The following NKIRAS1 variants were observed in gnomAD, a reference collection of about 807,000 sequenced individuals.
NKIRAS1 encodes NFKB inhibitor interacting Ras like 1.
NKIRAS1 carries 16 observed loss-of-function variants against 19.8 expected under a neutral mutation model. The ratio of observed to expected loss-of-function variants is 0.81; its 90% CI spans 0.55 to 1.23. The LOEUF (loss-of-function observed/expected upper bound fraction) is 1.23, where lower values mean the gene tolerates loss of function less well. Ranked by LOEUF, NKIRAS1 falls within the 50% of genes most tolerant of loss-of-function variation. The pLI, the probability that NKIRAS1 is intolerant of heterozygous loss-of-function variation, is 0.00. For missense variants in NKIRAS1, 184 were observed against 220.0 expected (o/e 0.84, Z 1.04); for synonymous variants, 88 against 79.0 (o/e 1.11, Z -0.61).
At position 23,910,806 on chromosome 3, in the gene NKIRAS1, C is replaced by A; in HGVS notation, c.94+5G>T. 1 of 1,606,776 alleles carries A rather than the reference C, an allele frequency of 6.2e-7. No individual in the cohort carries two copies. Among genetic ancestry groups the A allele is most frequent in the South Asian group, 1.1e-5 (1 of 90,914 alleles). On this transcript the variant is annotated splice_donor_5th_base_variant and intron_variant, in intron 3 of 4. Transcript: ENST00000425478. ...TAGAGACAAACTAGAGAAAAACAAT[C>A]TTACCAATAGTATGATTTCCATAAA...
chr3:23,894,877 T>C (rs1305268673), intron 4 of NKIRAS1, among the ~76,000 whole-genome samples: 1 of 152,184 alleles, frequency 6.6e-6, no homozygotes, highest in Non-Finnish European at 1.5e-5. Flanking sequence ...AGCTGACTCA[T>C]GGTCAACCTG....
chr3:23,907,304 T>C lies in NKIRAS1; in HGVS notation c.94+3507A>G, dbSNP rs182008485. On this transcript the variant is annotated intron_variant, in intron 3 of 4. Coordinates refer to ENST00000425478, the MANE Select transcript of NKIRAS1 (RefSeq NM_020345.4). ...ACATGGCAATTAACTGTTTATGTTA[T>C]CAGGTTTAAGGCTTCTGGTCAACAG... Among the ~76,000 whole-genome samples, 197 of 152,300 alleles carry C rather than the reference T, an allele frequency of 1.3e-3. 3 individuals carry two copies. The South Asian group carries it at 0.02, about 15-fold the overall frequency.
At chr3:23,914,743 C>T (rs1475270413) in intron 1 of NKIRAS1, among the ~76,000 whole-genome samples, 4 of 152,198 alleles carry the variant, frequency 2.6e-5, no homozygotes, top group Non-Finnish European at 4.4e-5. Flanking sequence ...AAACTGTTAA[C>T]TGAGAAACTA....
chr3:23,931,098 C>A (rs1475938566), intron 1 of NKIRAS1, among the ~76,000 whole-genome samples: 1 of 152,150 alleles, frequency 6.6e-6, no homozygotes, highest in African/African-American at 2.4e-5. Context: ...TATTCAGAAT[C>A]TTTATGTATG....
chr3:23,937,661 T>C (rs1253682611), intron 1 of NKIRAS1, among the ~76,000 whole-genome samples: 1 of 152,154 alleles, frequency 6.6e-6, no homozygotes, highest in East Asian at 1.9e-4. Context: ...TTTTTATTTG[T>C]TGAACTGTCA....
At chr3:23,911,618 C>G (rs1019613219) in intron 1 of NKIRAS1, among the ~76,000 whole-genome samples, 168 bp from the exon 2 acceptor site, 1 of 152,028 alleles carries the variant, frequency 6.6e-6, no homozygotes, top group African/African-American at 2.4e-5. Flanking sequence ...CAATATTTAC[C>G]TGGAAAAATA....
At chr3:23,925,408 C>G (rs566578022) in intron 1 of NKIRAS1, among the ~76,000 whole-genome samples, 1 of 152,024 alleles carries the variant, frequency 6.6e-6, no homozygotes, top group Non-Finnish European at 1.5e-5. Flanking sequence ...CCGAGGCAGG[C>G]GGATTGCTTG....
chr3:23,902,901 T>G (rs983670058), intron 3 of NKIRAS1, among the ~76,000 whole-genome samples: 4 of 152,240 alleles, frequency 2.6e-5, no homozygotes, highest in Non-Finnish European at 5.9e-5. Context: ...GTTGAAGTCC[T>G]CCGGCTTTCC....
chr3:23,906,177 AAC>A (rs1491234119), intron 3 of NKIRAS1, among the ~76,000 whole-genome samples: 6 of 151,586 alleles, frequency 4.0e-5, no homozygotes, highest in African/African-American at 1.5e-4. Flanking sequence ...AAAAAAAAAA[AAC>A]CAAAGGGAGA....
In NKIRAS1 at chr3:23,922,625, A is replaced by T. The variant is rs1705125125; in HGVS notation, c.-139-11175T>A. On this transcript the variant is annotated intron_variant, in intron 1 of 4. Transcript: ENST00000421515. The surrounding 1 kb of genome is among the most constrained non-coding windows in gnomAD (Gnocchi z 4.2). ...GGTCTCGAGCTCCTGACCTCAGGTG[A>T]TCCTCCCGCCTTGGCCTCCCAAAGT... 3 of 151,944 alleles carry T rather than the reference A, an allele frequency of 2.0e-5. No individual in the cohort carries two copies. Among genetic ancestry groups the T allele is most frequent in the African/African-American group, 7.2e-5 (3 of 41,400 alleles). The allele number at this position is 151,944 out of a possible 1,614,324, so 9.4% of individuals were successfully genotyped here. A position where few individuals can be genotyped will look rare whatever the true frequency, so the allele number is the denominator to read the frequency against.
At chr3:23,920,432 A>C, upstream of NKIRAS1, 3 of 985,434 alleles carry the variant, frequency 3.0e-6, no homozygotes, top group Non-Finnish European at 3.6e-6. Context: ...CTGGCCAAAC[A>C]ACCCTAAAAA....
At position 23,892,559 on chromosome 3, in the gene NKIRAS1, T is replaced by C. The variant is rs984049215; in HGVS notation, c.*536A>G. On this transcript the variant is annotated 3_prime_UTR_variant, in exon 5 of 5. Transcript: ENST00000425478. ...TTGAGCAAAGCTAAATCATGGGTCT[T>C]AGTCTGTTTAGCAAAATCTCCACAA... 2.0e-5 allele frequency: 3 copies of C among 152,214 alleles called. No individual in the cohort carries two copies. The highest frequency in any genetic ancestry group is 7.2e-5 in the African/African-American group (3 of 41,448). 9.4% of individuals were successfully genotyped at this position (152,214 alleles called of 1,614,324 possible). A position where few individuals can be genotyped will look rare whatever the true frequency, so the allele number is the denominator to read the frequency against.
In NKIRAS1 at chr3:23,922,342, CAA is replaced by C. The variant is rs1346199262; in HGVS notation, c.-139-10894_-139-10893del. On this transcript the variant is annotated intron_variant, in intron 1 of 4. Coordinates refer to the NKIRAS1 transcript ENST00000421515. This position sits in a 1 kb window ranked among gnomAD's most constrained non-coding sequence, Gnocchi z 4.2. ...AAACACAAAGATGAAGCAACTTGCT[CAA>C]AGTCATACAGTGACAGTCTGAATTC... 2 of 152,206 alleles carry C rather than the reference CAA, an allele frequency of 1.3e-5. No homozygotes were observed. Among genetic ancestry groups the C allele is most frequent in the African/African-American group, 2.4e-5 (1 of 41,446 alleles). The allele number at this position is 152,206 out of a possible 1,614,324, so 9.4% of individuals were successfully genotyped here.
chr3:23,898,513 G>C (rs986260765), intron 4 of NKIRAS1, among the ~76,000 whole-genome samples: 4 of 151,314 alleles, frequency 2.6e-5, no homozygotes, highest in South Asian at 2.1e-4. Context: ...CATGATCTCA[G>C]CTCACTGCAA....
intron 1 of NKIRAS1, among the ~76,000 whole-genome samples, chr3:23,924,912 T>G (rs1004941064): frequency 2.0e-5 from 3 of 152,224 alleles, no homozygotes; most frequent in African/African-American, 4.8e-5. Context: ...AAAGATTTGT[T>G]TCTTGATCAT....
chr3:23,925,637 A>T (rs778523438), intron 1 of NKIRAS1, among the ~76,000 whole-genome samples: 23 of 151,456 alleles, frequency 1.5e-4, no homozygotes, highest in African/African-American at 2.9e-4. Context: ...CTGTCTCAAA[A>T]AAATAAATAA....
rs943666084 is a variant in NKIRAS1 at position 23,891,604 on chromosome 3, C to T, written c.*1491G>A. 6.6e-6 allele frequency: 1 copy of T among 152,186 alleles called. No homozygotes were observed. The highest frequency in any genetic ancestry group is 2.4e-5 in the African/African-American group (1 of 41,434). 9.4% of individuals were successfully genotyped at this position (152,186 alleles called of 1,614,324 possible). On this transcript the variant is annotated 3_prime_UTR_variant, in exon 5 of 5. Coordinates refer to ENST00000425478, the MANE Select transcript of NKIRAS1 (RefSeq NM_020345.4). ...GTAGCAAGTACATGAGAAATGGGTTCCGTCATGGATAAATTGGTACCCTGC... is the reference window on the plus strand; with the variant it reads ...GTAGCAAGTACATGAGAAATGGGTTTCGTCATGGATAAATTGGTACCCTGC...
rs1414752888 is a variant in NKIRAS1, at chr3:23,890,973, T to C, written c.*2122A>G. On this transcript the variant is annotated 3_prime_UTR_variant, in exon 5 of 5. Coordinates refer to ENST00000425478, the MANE Select transcript of NKIRAS1 (RefSeq NM_020345.4). ...AAGTCCCTCTAAGACTACATACTTT[T>C]TGTTTAAAACAAAATTGGAATTTGT... is the stretch of plus-strand genomic sequence containing the variant. 6.3e-6 allele frequency: 1 copy of C among 158,416 alleles called. No homozygotes were observed. The highest frequency in any genetic ancestry group is 1.4e-5 in the Non-Finnish European group (1 of 72,052). 9.8% of individuals were successfully genotyped at this position (158,416 alleles called of 1,614,324 possible). A position where few individuals can be genotyped will look rare whatever the true frequency, so the allele number is the denominator to read the frequency against.
chr3:23,928,291 AAAAT>A (rs71622762), intron 1 of NKIRAS1, among the ~76,000 whole-genome samples: 3,475 of 144,736 alleles, frequency 0.024, 116 homozygotes, highest in African/African-American at 0.078. Flanking sequence ...CTCTGTCTCA[AAAAT>A]AAATAAATAA....
Sources: allele counts gnomAD v4.1 joint callset (sites outside exome capture counted in the v4.1 genomes callset), GRCh38; gene constraint gnomAD v4.1.1; non-coding constraint Gnocchi (gnomAD v3.1); transcripts MANE v1.5; gene names NCBI Gene and HGNC (gene_info 2026-07-23, HGNC 2026-07-21).